AP2B1: variants seen among roughly 807,000 people sequenced by gnomAD.
AP2B1 encodes adaptor related protein complex 2 subunit beta 1, also known as AP-2 complex subunit beta.
A neutral mutation model predicts 102.0 loss-of-function variants in AP2B1; 23 were observed. The observed-to-expected ratio is 0.23, with a 90% CI of 0.16 to 0.32. The LOEUF (loss-of-function observed/expected upper bound fraction) is 0.32, where lower values mean the gene tolerates loss of function less well. Among genes scored for constraint, AP2B1 ranks in the 10% least tolerant of loss-of-function variants. The pLI is 1.00. For synonymous variants in AP2B1, 381 were observed against 421.2 expected (o/e 0.90, Z 1.17); for missense variants, 541 against 1,157.4 (o/e 0.47, Z 7.73).
chr17:35,648,203 AATG>A (rs1162833175), intron 12 of AP2B1, among the ~76,000 whole-genome samples: 2 of 152,096 alleles, frequency 1.3e-5, no homozygotes, highest in Non-Finnish European at 2.9e-5. Flanking sequence ...GCCACTTTAT[AATG>A]ATGACAAAAA....
At chr17:35,605,098 C>T (rs905438958) in intron 3 of AP2B1, among the ~76,000 whole-genome samples, 1 of 152,074 alleles carries the variant, frequency 6.6e-6, no homozygotes, top group Non-Finnish European at 1.5e-5. Context: ...TAGAGAGGAT[C>T]TCGCCATGTT....
intron 18 of AP2B1, among the ~76,000 whole-genome samples, chr17:35,706,998 A>T (rs2076353538): frequency 6.6e-6 from 1 of 151,698 alleles, no homozygotes; most frequent in African/African-American, 2.4e-5. Flanking sequence ...GCGCTGTCTC[A>T]AGATCTTCTT....
chr17:35,694,435 A>ATTTTTTTTTTTTTTTTTTTTT (rs2076101194), intron 18 of AP2B1, among the ~76,000 whole-genome samples: 1 of 80,004 alleles, frequency 1.2e-5, no homozygotes, highest in African/African-American at 4.3e-5. Flanking sequence ...TAATTTTTTA[A>ATTTTTTTTTTTTTTTTTTTTT]TTTTTTGTAG....
intron 17 of AP2B1, among the ~76,000 whole-genome samples, chr17:35,680,019 C>CG (rs943795980): frequency 6.6e-6 from 1 of 151,494 alleles, no homozygotes; most frequent in African/African-American, 2.4e-5. Context: ...CTCCGCCTCC[C>CG]GGGTTCCAAG....
intron 5 of AP2B1, among the ~76,000 whole-genome samples, chr17:35,621,726 A>G (rs116881764): frequency 0.012 from 1,835 of 152,358 alleles, 20 homozygotes; most frequent in South Asian, 0.026. Flanking sequence ...CCAGTTGCCT[A>G]TAATAACAGA....
At chr17:35,717,449 T>A in intron 21 of AP2B1, 100 bp downstream of exon 21, 1 of 1,332,448 alleles carries the variant, frequency 7.5e-7, no homozygotes, top group Non-Finnish European at 1.0e-6. Flanking sequence ...GGAGGTGCTT[T>A]AAACCTGAGA....
At position 35,725,159 on chromosome 17, in the gene AP2B1, C is replaced by G. The variant is rs1172824644; in HGVS notation, c.*1460C>G. 2 of 152,210 alleles carry G rather than the reference C, an allele frequency of 1.3e-5. No individual in the cohort carries two copies. The highest frequency in any genetic ancestry group is 4.8e-5 in the African/African-American group (2 of 41,436). The allele number at this position is 152,210 out of a possible 1,614,324, so 9.4% of individuals were successfully genotyped here. A position where few individuals can be genotyped will look rare whatever the true frequency, so the allele number is the denominator to read the frequency against. On this transcript the variant is annotated 3_prime_UTR_variant, in exon 22 of 22. Transcript: ENST00000610402. ...GACTGGGGGATATGAAATCTTCCCC[C>G]TACCCCACTTAATGCGTTGGATATG...
intron 9 of AP2B1, among the ~76,000 whole-genome samples, chr17:35,630,852 G>C (rs891647540): frequency 6.6e-6 from 1 of 152,156 alleles, no homozygotes; most frequent in African/African-American, 2.4e-5. Context: ...ATCTAGTGCT[G>C]TCATTTCAGA....
chr17:35,718,836 A>C (rs1462262145), intron 21 of AP2B1, among the ~76,000 whole-genome samples: 4 of 150,396 alleles, frequency 2.7e-5, no homozygotes, highest in Admixed American at 2.7e-4. Flanking sequence ...CTTCCATCTC[A>C]GCTAGGTTAA....
At chr17:35,594,959 C>G (rs1355778414) in intron 2 of AP2B1, among the ~76,000 whole-genome samples, 1 of 152,104 alleles carries the variant, frequency 6.6e-6, no homozygotes, top group Non-Finnish European at 1.5e-5. Flanking sequence ...CTTATTGTGC[C>G]TGTAGCTTAG....
At chr17:35,710,586 G>A (rs75610115) in intron 20 of AP2B1, among the ~76,000 whole-genome samples, 135 of 152,318 alleles carry the variant, frequency 8.9e-4, no homozygotes, top group African/African-American at 3.0e-3. Flanking sequence ...AGATGTGTTA[G>A]TTCTGTTACT....
At chr17:35,590,661 A>G (rs1452214730) in intron 1 of AP2B1, among the ~76,000 whole-genome samples, 6 of 152,130 alleles carry the variant, frequency 3.9e-5, no homozygotes, top group East Asian at 1.9e-4. Context: ...TTTAGAATCT[A>G]TCTTATAGGC....
Position 35,610,611 on chromosome 17 carries a change from T to A in AP2B1, c.525+2224T>A, listed in dbSNP as rs535502512. On this transcript the variant is annotated intron_variant, in intron 5 of 21. Transcript: ENST00000610402. ...GACCCTGTCTCTACAAAAATTTTTT[T>A]AAAAAATTCGGTGGGGCCGGGTGCA... Among the ~76,000 whole-genome samples, 23 of 130,782 alleles carry A rather than the reference T, an allele frequency of 1.8e-4. No individual in the cohort carries two copies. The South Asian group carries it at 2.2e-3, about 12-fold the overall frequency. 85.8% of individuals were successfully genotyped at this position (130,782 alleles called of 152,430 possible).
chr17:35,599,057 A>G (rs536544757), intron 3 of AP2B1, among the ~76,000 whole-genome samples: 2 of 152,380 alleles, frequency 1.3e-5, no homozygotes, highest in East Asian at 3.9e-4. Flanking sequence ...CATGTGCTAA[A>G]AAAGAGCAGT....
rs115865968 is a variant in AP2B1 at position 35,605,129 on chromosome 17, C to T, written c.144-576C>T. Among the ~76,000 whole-genome samples, 1,343 of 152,204 alleles carry T rather than the reference C, an allele frequency of 8.8e-3. 22 individuals are homozygous for T. The highest frequency in any genetic ancestry group is 0.031 in the African/African-American group (1,271 of 41,524). On this transcript the variant is annotated intron_variant, in intron 3 of 21. Transcript: ENST00000610402. ...ATGTTGTCCAGGCTGGCCTTGAACA[C>T]CTGGTCTCAAGTGAATCCTTACACC...
intron 16 of AP2B1, among the ~76,000 whole-genome samples, chr17:35,673,281 G>T (rs915587380): frequency 1.3e-5 from 2 of 152,024 alleles, no homozygotes; most frequent in Non-Finnish European, 2.9e-5. Context: ...CGTGATCTTG[G>T]CTCACTGCAA....
At chr17:35,631,753 A>G (rs1247882751) in intron 9 of AP2B1, among the ~76,000 whole-genome samples, 1 of 152,238 alleles carries the variant, frequency 6.6e-6, no homozygotes, top group African/African-American at 2.4e-5. Context: ...TATAAGGAGT[A>G]TCCTTGCAAC....
intron 12 of AP2B1, among the ~76,000 whole-genome samples, chr17:35,643,970 T>C (rs895860157): frequency 4.6e-5 from 7 of 152,260 alleles, no homozygotes; most frequent in African/African-American, 1.7e-4. Flanking sequence ...ATGGAAACTA[T>C]GTAGGCCACT....
intron 1 of AP2B1, among the ~76,000 whole-genome samples, chr17:35,590,464 C>T (rs2073058466): frequency 6.6e-6 from 1 of 152,152 alleles, no homozygotes; most frequent in Non-Finnish European, 1.5e-5. Flanking sequence ...GTGCAACAAT[C>T]ATGTCTTCTG....
Sources: allele counts gnomAD v4.1 joint callset (sites outside exome capture counted in the v4.1 genomes callset), GRCh38; gene constraint gnomAD v4.1.1; transcripts MANE v1.5; gene names NCBI Gene and HGNC (gene_info 2026-07-23, HGNC 2026-07-21).